CAP2: variants seen among roughly 807,000 people sequenced by gnomAD.
The protein encoded by CAP2 is adenylyl cyclase-associated protein 2.
CAP2 carries 24 observed loss-of-function variants against 57.7 expected under a neutral mutation model. The ratio of observed to expected loss-of-function variants is 0.42; its 90% confidence interval spans 0.30 to 0.58. The LOEUF (loss-of-function observed/expected upper bound fraction) is 0.58. Ranked by LOEUF, CAP2 falls within the 20% of genes least tolerant of loss-of-function variation. CAP2 has a pLI of 0.22. For missense variants in CAP2, 501 were observed against 590.3 expected, an observed-to-expected ratio of 0.85 and a Z score of 1.57; for synonymous variants, 194 against 207.2, an observed-to-expected ratio of 0.94 and a Z score of 0.55.
chr6:17,404,170 A>G (rs1333288582), intron 1 of CAP2, among the ~76,000 whole-genome samples: 2 of 152,208 alleles, frequency 1.3e-5, no homozygotes, highest in African/African-American at 2.4e-5. Context: ...TAAGGAAGCC[A>G]TTCAAGAATT....
rs745703942 is a variant in CAP2, at chr6:17,556,418, T to C, written c.1410T>C (p.Thr470=). ...CATGGGATGGATCCAAGTTAATCAC[T>C]GAACCTGCAGAAATTATGGCCTAAC... The part of the protein sequence containing the change: ...KTAWDGSKLI[T]EPAEIMA The change falls in exon 13 of 13, where the codon ACT becomes ACC. Residue 470 remains threonine (T), a synonymous_variant. Transcript: ENST00000229922. 1.2e-6 allele frequency: 2 copies of C among 1,613,278 alleles called. No individual in the cohort carries two copies. Among genetic ancestry groups the C allele is most frequent in the Admixed American group, 1.7e-5 (1 of 60,010 alleles).
chr6:17,541,102 A>G lies in CAP2; in HGVS notation c.956A>G (p.Gln319Arg). ...SPTSPKSYPS[Q>R]KHAPVLELEG... ...ACATCTCCTAAATCTTATCCTTCTC[A>G]AAAACATGCCCCAGTGTTGGAGTTG... The change falls in exon 9 of 13, where the codon CAA (glutamine) becomes CGA (arginine). Residue 319 changes from glutamine to arginine, a missense_variant. Coordinates refer to ENST00000229922, the MANE Select transcript of CAP2 (RefSeq NM_006366.3). 1 of 1,613,930 alleles carries G rather than the reference A, an allele frequency of 6.2e-7. No individual in the cohort carries two copies. Among genetic ancestry groups the G allele is most frequent in the East Asian group, 2.2e-5 (1 of 44,874 alleles).
At chr6:17,555,598 T>G (rs1763282685) in intron 12 of CAP2, among the ~76,000 whole-genome samples, 1 of 151,464 alleles carries the variant, frequency 6.6e-6, no homozygotes, top group Non-Finnish European at 1.5e-5. Context: ...GTTTTCACTT[T>G]TGTTGCCCAG....
intron 1 of CAP2, among the ~76,000 whole-genome samples, chr6:17,414,020 CT>C (rs1349433943): frequency 1.1e-4 from 16 of 150,430 alleles, no homozygotes; most frequent in Admixed American, 1.1e-3. Context: ...TGCCATTGCA[CT>C]CCAGCTTGGG....
At chr6:17,409,926 G>A (rs759191854) in intron 1 of CAP2, among the ~76,000 whole-genome samples, 2 of 151,782 alleles carry the variant, frequency 1.3e-5, no homozygotes, top group Non-Finnish European at 2.9e-5. Context: ...CTCCCCTCCC[G>A]GCCCTGACTA....
chr6:17,537,837 G>A (rs1406536454), intron 7 of CAP2, among the ~76,000 whole-genome samples: 2 of 152,030 alleles, frequency 1.3e-5, no homozygotes, highest in East Asian at 1.9e-4. Flanking sequence ...AGGCTGAGGC[G>A]GGTGGATAAT....
In CAP2 at chr6:17,556,459, A is replaced by T; in HGVS notation, c.*17A>T. On this transcript the variant is annotated 3_prime_UTR_variant, in exon 13 of 13. Transcript: ENST00000229922. ...ATGGCCTAACTTCCTGAGAGACCGA[A>T]CCCCCTCACCTGAATCCCCCTCTAT... The T allele has an allele frequency of 6.5e-7, 1 of 1,549,140 alleles. No individual in the cohort carries two copies. The highest frequency in any genetic ancestry group is 8.9e-7 in the Non-Finnish European group (1 of 1,120,798).
intron 8 of CAP2, among the ~76,000 whole-genome samples, chr6:17,540,290 T>C (rs186589930): frequency 2.0e-5 from 3 of 152,298 alleles, no homozygotes; most frequent in African/African-American, 4.8e-5. Context: ...TATCCTGATA[T>C]ATACTCACTG....
intron 7 of CAP2, among the ~76,000 whole-genome samples, chr6:17,526,296 T>G (rs1270779384): frequency 6.6e-6 from 1 of 151,968 alleles, no homozygotes; most frequent in East Asian, 1.9e-4. Context: ...TTTTGTATTT[T>G]TAGTAGAGAC....
chr6:17,482,540 G>A (rs6911023), intron 4 of CAP2, among the ~76,000 whole-genome samples: 1,611 of 125,520 alleles, frequency 0.013, 44 homozygotes, highest in African/African-American at 0.048. Context: ...AAAAAAAAAA[G>A]TCTAGGCATG....
chr6:17,538,319 A>C (rs544987740), intron 7 of CAP2, among the ~76,000 whole-genome samples: 69 of 151,518 alleles, frequency 4.6e-4, no homozygotes, highest in Non-Finnish European at 8.5e-4. Flanking sequence ...AGCCAGTTAG[A>C]GTGGCACATG....
intron 3 of CAP2, among the ~76,000 whole-genome samples, chr6:17,438,895 G>A (rs1486828299): frequency 4.7e-5 from 7 of 150,210 alleles, no homozygotes; most frequent in Admixed American, 1.3e-4. Flanking sequence ...GGCAGATGAC[G>A]ATGTCAGGAG....
At chr6:17,552,029 T>G (rs1763182586) in intron 12 of CAP2, among the ~76,000 whole-genome samples, 1 of 152,174 alleles carries the variant, frequency 6.6e-6, no homozygotes, top group Non-Finnish European at 1.5e-5. Flanking sequence ...AGGTTAAGTG[T>G]AAGAATCGGG....
chr6:17,425,006 A>G (rs538179971), intron 2 of CAP2, among the ~76,000 whole-genome samples: 2 of 152,328 alleles, frequency 1.3e-5, no homozygotes, highest in African/African-American at 4.8e-5. Flanking sequence ...TGTGAACTTT[A>G]AGATAACTCA....
chr6:17,522,696 G>C (rs1323932133), intron 7 of CAP2, among the ~76,000 whole-genome samples: 1 of 152,220 alleles, frequency 6.6e-6, no homozygotes, highest in Non-Finnish European at 1.5e-5. Context: ...GGTGAGGCCA[G>C]AAAGGCAGGT....
chr6:17,496,034 G>GGGGC (rs1561804662), intron 4 of CAP2, among the ~76,000 whole-genome samples: 26 of 117,304 alleles, frequency 2.2e-4, no homozygotes, highest in South Asian at 8.6e-4. Context: ...GGGTGGGGGG[G>GGGGC]GGGGGTAAGT....
chr6:17,508,211 G>T (rs902454163), intron 6 of CAP2, among the ~76,000 whole-genome samples: 9 of 152,180 alleles, frequency 5.9e-5, no homozygotes, highest in Non-Finnish European at 1.0e-4. Flanking sequence ...TGGGGTGTAC[G>T]CAGAGACACC....
chr6:17,515,032 T>G (rs1762242569), intron 7 of CAP2, among the ~76,000 whole-genome samples: 1 of 151,908 alleles, frequency 6.6e-6, no homozygotes, highest in Non-Finnish European at 1.5e-5. Context: ...ACCCCATCTC[T>G]GCTAAAAATA....
chr6:17,517,485 C>T (rs1762297440), intron 7 of CAP2, among the ~76,000 whole-genome samples: 1 of 152,186 alleles, frequency 6.6e-6, no homozygotes, highest in South Asian at 2.1e-4. Context: ...ACAATACTTG[C>T]TCTTACTATG....
Sources: gnomAD v4.1 joint callset for allele counts (sites outside exome capture counted in the v4.1 genomes callset) on GRCh38, gnomAD v4.1.1 for gene constraint, MANE v1.5 for transcripts, NCBI Gene and HGNC (gene_info 2026-07-23, HGNC 2026-07-21) for gene names.